The following CDH9 variants were observed in gnomAD, a reference collection of about 807,000 sequenced individuals.
The protein encoded by CDH9 is cadherin-9.
A neutral mutation model predicts 70.9 loss-of-function variants in CDH9; 28 were observed. The ratio of observed to expected loss-of-function variants is 0.40; its 90% CI spans 0.29 to 0.54. CDH9 has a LOEUF of 0.54. Among genes scored for constraint, CDH9 ranks in the 20% least tolerant of loss-of-function variants. The pLI is 0.59. For missense variants in CDH9, 874 were observed against 984.4 expected (o/e 0.89, Z 1.50); for synonymous variants, 409 against 343.1 (o/e 1.19, Z -2.12).
intron 2 of CDH9, among the ~76,000 whole-genome samples, chr5:26,941,247 T>C (rs1741657185): frequency 6.6e-6 from 1 of 152,204 alleles, no homozygotes. Context: ...TTCCATGAGA[T>C]GAATGCAGAT....
intron 3 of CDH9, among the ~76,000 whole-genome samples, chr5:26,912,689 A>T (rs1305685848): frequency 6.6e-6 from 1 of 152,086 alleles, no homozygotes; most frequent in Non-Finnish European, 1.5e-5. Flanking sequence ...TCCAGACTAG[A>T]TTTTGAATAA....
chr5:26,987,447 A>C (rs1469406981), intron 2 of CDH9, among the ~76,000 whole-genome samples: 1 of 151,906 alleles, frequency 6.6e-6, no homozygotes, highest in Non-Finnish European at 1.5e-5. Flanking sequence ...AAAATTGGAG[A>C]GATAATGAGC....
chr5:26,942,454 C>T (rs1258875330), intron 2 of CDH9, among the ~76,000 whole-genome samples: 1 of 152,140 alleles, frequency 6.6e-6, no homozygotes, highest in African/African-American at 2.4e-5. Flanking sequence ...CTCTTAACGG[C>T]CCCACATTTC....
Position 27,026,315 on chromosome 5 carries a change from C to A in CDH9, c.-50+12148G>T, listed in dbSNP as rs189817392. Among the ~76,000 whole-genome samples, 62 of 151,892 alleles carry A rather than the reference C, an allele frequency of 4.1e-4. No homozygotes were observed. The East Asian group carries it at 0.01, about 25-fold the overall frequency. On this transcript the variant is annotated intron_variant, in intron 1 of 11. Transcript: ENST00000231021. ...AATTAAATTAACTAGAGTTAGAATT[C>A]TATTCTAACATGAGTAAATTTCGTT...
chr5:26,901,294 G>C (rs1297666208), intron 7 of CDH9, among the ~76,000 whole-genome samples: 2 of 151,870 alleles, frequency 1.3e-5, no homozygotes, highest in African/African-American at 4.8e-5. Flanking sequence ...GAATTATACT[G>C]TAATAAACCT....
At chr5:27,025,399 A>G (rs1422800022) in intron 1 of CDH9, among the ~76,000 whole-genome samples, 1 of 152,054 alleles carries the variant, frequency 6.6e-6, no homozygotes, top group Non-Finnish European at 1.5e-5. Context: ...ATAACTGGAG[A>G]CCAATCAGAA....
At chr5:26,923,174 A>G (rs1283094958) in intron 2 of CDH9, among the ~76,000 whole-genome samples, 1 of 151,526 alleles carries the variant, frequency 6.6e-6, no homozygotes. Flanking sequence ...GAAACACTAC[A>G]TCTATGAAGA....
intron 2 of CDH9, among the ~76,000 whole-genome samples, chr5:26,919,319 G>A (rs1741202383): frequency 6.6e-6 from 1 of 152,128 alleles, no homozygotes; most frequent in Admixed American, 6.5e-5. Context: ...CCCTGTCACA[G>A]TGGAAAGCAA....
chr5:26,947,332 T>C (rs1228282974), intron 2 of CDH9, among the ~76,000 whole-genome samples: 1 of 152,142 alleles, frequency 6.6e-6, no homozygotes, highest in Non-Finnish European at 1.5e-5. Context: ...AATGAAGTCC[T>C]GAAAAAAGTA....
At position 27,008,358 on chromosome 5, in the gene CDH9, C is replaced by T. The variant is rs368499315; in HGVS notation, c.-49-19976G>A. On this transcript the variant is annotated intron_variant, in intron 1 of 11. Coordinates refer to ENST00000231021, the MANE Select transcript of CDH9 (RefSeq NM_016279.4). ...TACAAAAATCAGCTGAGTGTGGTGG[C>T]GGGTGCCTGTAATACCAGCTACTTG... 4.6e-5 allele frequency among the ~76,000 whole-genome samples: 7 copies of T among 151,984 alleles called. No homozygotes were observed. In the East Asian group the frequency reaches 5.8e-4, roughly 13 times the overall value.
At chr5:26,899,428 A>C (rs1349511482) in intron 7 of CDH9, among the ~76,000 whole-genome samples, 5 of 152,124 alleles carry the variant, frequency 3.3e-5, no homozygotes, top group Non-Finnish European at 7.4e-5. Context: ...CCAAATGTCC[A>C]TCAATGATAG....
chr5:26,970,971 G>A (rs558512598), intron 2 of CDH9, among the ~76,000 whole-genome samples: 48 of 152,210 alleles, frequency 3.2e-4, no homozygotes, highest in African/African-American at 1.1e-3. Context: ...CCATAGAGGG[G>A]AAAAGAATGT....
intron 2 of CDH9, among the ~76,000 whole-genome samples, chr5:26,971,201 C>A (rs913205554): frequency 2.0e-5 from 3 of 152,122 alleles, no homozygotes; most frequent in Non-Finnish European, 4.4e-5. Context: ...CAGCATCATT[C>A]ACCATGAAAA....
chr5:26,921,875 G>A (rs10061237), intron 2 of CDH9, among the ~76,000 whole-genome samples: 11,388 of 152,052 alleles, frequency 0.075, 538 homozygotes, highest in African/African-American at 0.13. Context: ...TTAACAAAGA[G>A]ATTAAAATAA....
At chr5:26,890,765 C>A (rs1740646524) in intron 7 of CDH9, 4 of 511,220 alleles carry the variant, frequency 7.8e-6, no homozygotes, top group Non-Finnish European at 7.0e-6. Flanking sequence ...ACTATATTAT[C>A]CTATGTGTAC....
Position 26,885,788 on chromosome 5 carries a change from T to C in CDH9, c.1708A>G (p.Ile570Val). 1 of 1,613,964 alleles carries C rather than the reference T, an allele frequency of 6.2e-7. No homozygotes were observed. Among genetic ancestry groups the C allele is most frequent in the Non-Finnish European group, 8.5e-7 (1 of 1,179,944 alleles). Reference sequence around the variant, plus strand: ...TGAATTGGATAATCGTTGTCAAAGATTAAAATCGGCAATAAGTAGGTGCTC... The same window carrying C: ...TGAATTGGATAATCGTTGTCAAAGACTAAAATCGGCAATAAGTAGGTGCTC... ...KMSTYLLPIL[I>V]FDNDYPIQSS... is the part of the protein sequence containing the mutation. The change falls in exon 11 of 12, where the codon ATC becomes GTC. Residue 570 changes from isoleucine to valine, a missense_variant. Ile to Val is a conservative substitution (Grantham distance 29, BLOSUM62 3). Coordinates refer to ENST00000231021, the MANE Select transcript of CDH9 (RefSeq NM_016279.4).
chr5:26,952,634 CAAAAAAAAAAA>C (rs35876875), intron 2 of CDH9, among the ~76,000 whole-genome samples: 2 of 57,832 alleles, frequency 3.5e-5, no homozygotes, highest in Non-Finnish European at 6.0e-5. Context: ...GACTCCGTCT[CAAAAAAAAAAA>C]AAAAAAAAAA....
intron 2 of CDH9, among the ~76,000 whole-genome samples, chr5:26,926,852 AAGT>A (rs1741348657): frequency 1.3e-5 from 2 of 151,180 alleles, no homozygotes; most frequent in Admixed American, 1.3e-4. Context: ...GGAAAGGAGG[AAGT>A]ACTTCTAAAC....
Position 26,934,949 on chromosome 5 carries a change from A to C in CDH9, c.229-19025T>G, listed in dbSNP as rs777355843. Among the ~76,000 whole-genome samples, 43 of 151,860 alleles carry C rather than the reference A, an allele frequency of 2.8e-4. No homozygotes were observed. The South Asian group carries it at 4.2e-3, about 15-fold the overall frequency. ...AAAGATACTGAAAAAAAAAAAACAC[A>C]GACCAGTGTCTCTCATGAACATGGA... On this transcript the variant is annotated intron_variant, in intron 2 of 11. Transcript: ENST00000231021.
Sources: gnomAD v4.1 joint callset for allele counts (sites outside exome capture counted in the v4.1 genomes callset) on GRCh38, gnomAD v4.1.1 for gene constraint, MANE v1.5 for transcripts, NCBI Gene and HGNC (gene_info 2026-07-23, HGNC 2026-07-21) for gene names.